SAMD5: variants seen among roughly 807,000 people sequenced by gnomAD.
The protein encoded by SAMD5 is sterile alpha motif domain-containing protein 5.
A neutral mutation model predicts 11.3 loss-of-function variants in SAMD5; 13 were observed. That is an observed-to-expected ratio of 1.15 (90% confidence interval 0.75 to 1.83). SAMD5 has a LOEUF of 1.83. SAMD5 is among the 40% of genes most tolerant of loss of function. The pLI is 0.00. For missense variants in SAMD5, 255 were observed against 239.1 expected (o/e 1.07, Z -0.44); for synonymous variants, 129 against 111.3 (o/e 1.16, Z -1.00).
At chr6:147,855,468 C>T in the SAMD5 span, among the ~76,000 whole-genome samples, 1 of 152,134 alleles carries the variant, frequency 6.6e-6, no homozygotes, top group Admixed American at 6.6e-5. Context: ...CACTTTCATG[C>T]AAACTGAAAT....
intron 1 of SAMD5, among the ~76,000 whole-genome samples, chr6:147,677,078 A>C (rs1297660838): frequency 6.6e-6 from 1 of 152,212 alleles, no homozygotes; most frequent in East Asian, 1.9e-4. Flanking sequence ...TCAAATCTTC[A>C]GAGCTACCGA....
chr6:147,939,415 C>G, the SAMD5 span, among the ~76,000 whole-genome samples: 6 of 152,010 alleles, frequency 3.9e-5, no homozygotes, highest in African/African-American at 1.5e-4. Flanking sequence ...TTAATCATGC[C>G]TTGGTCTTTC....
rs1788039596 is a variant in SAMD5, at chr6:147,509,105, G to T, written c.177G>T (p.Val59=). The T allele has an allele frequency of 1.3e-6, 2 of 1,586,548 alleles. No homozygotes were observed. Among genetic ancestry groups the T allele is most frequent in the Non-Finnish European group, 1.7e-6 (2 of 1,168,354 alleles). Residue 59 remains valine (V), a synonymous_variant, in exon 1 of 2, where the codon GTG becomes GTT. Transcript: ENST00000367474. The stretch of plus-strand genomic sequence containing the variant: ...ACCGCCGCCGTATCCTGGAGGCCGT[G>T]CGCCGGCTGCGGGAGCAGGACGCCA... ...PAHRRRILEA[V]RRLREQDANA...
chr6:147,604,783 C>T (rs112273667), intron 1 of SAMD5, among the ~76,000 whole-genome samples: 1,865 of 152,294 alleles, frequency 0.012, 16 homozygotes, highest in Middle Eastern at 0.027. Context: ...TTTCTACATA[C>T]GTCTTCTAGA....
the SAMD5 span, among the ~76,000 whole-genome samples, chr6:147,931,157 C>A: frequency 1.3e-5 from 2 of 152,156 alleles, no homozygotes; most frequent in Non-Finnish European, 2.9e-5. Context: ...AAAGTTTTGA[C>A]TTTCCTGGTG....
chr6:147,518,504 C>G (rs1441948080), intron 1 of SAMD5, among the ~76,000 whole-genome samples: 1 of 152,090 alleles, frequency 6.6e-6, no homozygotes, highest in Non-Finnish European at 1.5e-5. Context: ...TCTAGTTCAC[C>G]AGAAATATGT....
chr6:147,563,376 G>C (rs1303657225), intron 1 of SAMD5, among the ~76,000 whole-genome samples: 1 of 152,160 alleles, frequency 6.6e-6, no homozygotes, highest in Non-Finnish European at 1.5e-5. Flanking sequence ...GCTTGGAGAG[G>C]TTGCAGAGAT....
At chr6:147,630,628 C>G (rs1027732860) in intron 1 of SAMD5, among the ~76,000 whole-genome samples, 1 of 151,974 alleles carries the variant, frequency 6.6e-6, no homozygotes, top group African/African-American at 2.4e-5. Context: ...TAAAACAGCC[C>G]CACCCCTATC....
At chr6:147,921,393 T>C in the SAMD5 span, among the ~76,000 whole-genome samples, 2 of 152,040 alleles carry the variant, frequency 1.3e-5, no homozygotes, top group African/African-American at 4.8e-5. Context: ...AGAATAGTTG[T>C]TGTGTAGGAG....
At chr6:147,899,189 A>AAAAAAAAAAAAAG in the SAMD5 span, among the ~76,000 whole-genome samples, 958 of 123,274 alleles carry the variant, frequency 7.8e-3, 105 homozygotes, top group African/African-American at 0.033. Context: ...AAAAAAAAAA[A>AAAAAAAAAAAAAG]AAAAGATAAC....
At chr6:147,876,045 G>A in the SAMD5 span, among the ~76,000 whole-genome samples, 476 of 152,296 alleles carry the variant, frequency 3.1e-3, 4 homozygotes, top group Non-Finnish European at 5.2e-3. Context: ...TAAGGTTGGG[G>A]ACCTCCTTTG....
chr6:147,648,088 A>T (rs924532677), intron 1 of SAMD5, among the ~76,000 whole-genome samples: 20 of 152,184 alleles, frequency 1.3e-4, no homozygotes, highest in African/African-American at 4.6e-4. Flanking sequence ...ATAGAAGCAG[A>T]TTTGTGAAAT....
rs1789050012 is a variant in SAMD5 at position 147,566,847 on chromosome 6, G to C, written c.*2391G>C. 1.0e-6 allele frequency: 1 copy of C among 978,758 alleles called. No individual in the cohort carries two copies. The highest frequency in any genetic ancestry group is 1.8e-5 in the African/African-American group (1 of 57,012). The allele number at this position is 978,758 out of a possible 1,614,324, so 60.6% of individuals were successfully genotyped here. A position where few individuals can be genotyped will look rare whatever the true frequency, so the allele number is the denominator to read the frequency against. ...ATGAGGTAAGAGGTAGAATATAAGA[G>C]AAAGGGATTATTTTTACCATGAATT... On this transcript the variant is annotated 3_prime_UTR_variant, in exon 2 of 2. Coordinates refer to ENST00000367474, the MANE Select transcript of SAMD5 (RefSeq NM_001030060.3).
chr6:147,934,074 T>C, the SAMD5 span, among the ~76,000 whole-genome samples: 3 of 152,156 alleles, frequency 2.0e-5, no homozygotes, highest in African/African-American at 7.2e-5. Context: ...CCCCACCCAC[T>C]CCGAGTCTGG....
chr6:147,559,832 T>G (rs1432687030), intron 1 of SAMD5, among the ~76,000 whole-genome samples: 2 of 152,210 alleles, frequency 1.3e-5, no homozygotes, highest in Non-Finnish European at 2.9e-5. Flanking sequence ...AGGACACGTG[T>G]GTATGCCAGC....
At chr6:147,686,314 G>A (rs1291194476) in intron 1 of SAMD5, among the ~76,000 whole-genome samples, 1 of 152,144 alleles carries the variant, frequency 6.6e-6, no homozygotes, top group Non-Finnish European at 1.5e-5. Flanking sequence ...TTTATAGCTA[G>A]TGGTTTTTAC....
the SAMD5 span, among the ~76,000 whole-genome samples, chr6:147,901,782 T>G: frequency 6.6e-6 from 1 of 152,204 alleles, no homozygotes; most frequent in African/African-American, 2.4e-5. Flanking sequence ...TTATACTTTT[T>G]ATAGGTAGAA....
At chr6:147,633,585 G>A (rs368702887) in intron 1 of SAMD5, among the ~76,000 whole-genome samples, 2 of 151,968 alleles carry the variant, frequency 1.3e-5, no homozygotes, top group Non-Finnish European at 2.9e-5. Flanking sequence ...TGGTATTAGC[G>A]TGGAAGTAAT....
At chr6:147,677,049 T>C (rs1359786977) in intron 1 of SAMD5, among the ~76,000 whole-genome samples, 2 of 152,316 alleles carry the variant, frequency 1.3e-5, no homozygotes, top group East Asian at 1.9e-4. Flanking sequence ...TCCTGATTTT[T>C]ATGACTTGAG....
Sources: gnomAD v4.1 joint callset for allele counts (sites outside exome capture counted in the v4.1 genomes callset) on GRCh38, gnomAD v4.1.1 for gene constraint, MANE v1.5 for transcripts, NCBI Gene and HGNC (gene_info 2026-07-23, HGNC 2026-07-21) for gene names.